Variants in NRXN3 observed in about 807,000 individuals in gnomAD.
NRXN3 encodes neurexin 3, also known as neurexin III.
Under a neutral mutation model 137.6 loss-of-function variants are expected in NRXN3, and 32 were observed. That is an observed-to-expected ratio of 0.23 (90% CI 0.18 to 0.31). The LOEUF (loss-of-function observed/expected upper bound fraction) is 0.31. Ranked by LOEUF, NRXN3 falls within the 10% of genes least tolerant of loss-of-function variation. The probability of loss-of-function intolerance (pLI) is 1.00; values close to 1 mark genes in which losing one functional copy is unlikely to be tolerated. For missense variants in NRXN3, 1,574 were observed against 2,062.5 expected (o/e 0.76, Z 4.59); for synonymous variants, 798 against 784.5 (o/e 1.02, Z -0.29).
chr14:79,674,539 C>T (rs2098630361), intron 17 of NRXN3, among the ~76,000 whole-genome samples: 1 of 151,998 alleles, frequency 6.6e-6, no homozygotes, highest in Non-Finnish European at 1.5e-5. Context: ...AGATTCCACA[C>T]AGATATGTTT....
At chr14:78,899,714 G>A (rs1024508322) in intron 10 of NRXN3, among the ~76,000 whole-genome samples, 9 of 151,822 alleles carry the variant, frequency 5.9e-5, no homozygotes, top group East Asian at 1.9e-4. Context: ...TTATATAAAT[G>A]TATTCTGCTC....
intron 16 of NRXN3, among the ~76,000 whole-genome samples, chr14:79,561,236 C>A (rs768112499): frequency 6.6e-6 from 1 of 151,836 alleles, no homozygotes; most frequent in Non-Finnish European, 1.5e-5. Context: ...TAATGCTATT[C>A]AATAAAACCA....
intron 15 of NRXN3, among the ~76,000 whole-genome samples, chr14:79,018,891 A>G (rs967510506): frequency 2.0e-5 from 3 of 152,212 alleles, no homozygotes; most frequent in East Asian, 3.9e-4. Flanking sequence ...GCTTTCAGGA[A>G]TTACAGCTGC....
chr14:78,250,899 A>G (rs1053497978), intron 2 of NRXN3, among the ~76,000 whole-genome samples: 8 of 152,144 alleles, frequency 5.3e-5, no homozygotes, highest in African/African-American at 1.9e-4. Flanking sequence ...TTCCTGGTGC[A>G]GGAGGTTATC....
chr14:78,211,730 G>T (rs961752978), intron 1 of NRXN3, among the ~76,000 whole-genome samples: 2 of 152,218 alleles, frequency 1.3e-5, no homozygotes, highest in African/African-American at 4.8e-5. Context: ...CCTGACATTT[G>T]TTTATTTTAA....
chr14:78,238,414 G>A (rs576487865), intron 1 of NRXN3, among the ~76,000 whole-genome samples: 1 of 152,274 alleles, frequency 6.6e-6, no homozygotes, highest in South Asian at 2.1e-4. Context: ...GTAGAGGGTG[G>A]CAGTTGTCTG....
chr14:79,280,343 A>G, intron 15 of NRXN3: 1 of 1,613,872 alleles, frequency 6.2e-7, no homozygotes, highest in Non-Finnish European at 8.5e-7. Flanking sequence ...GCCGGCCTGG[A>G]CGCTTGGGAT....
At chr14:78,867,423 T>G (rs2099089838) in intron 10 of NRXN3, among the ~76,000 whole-genome samples, 2 of 152,318 alleles carry the variant, frequency 1.3e-5, no homozygotes, top group East Asian at 3.9e-4. Flanking sequence ...TAGAGATTCT[T>G]ACTGATCAAA....
chr14:79,118,869 A>C (rs960876453), intron 15 of NRXN3, among the ~76,000 whole-genome samples: 12 of 152,330 alleles, frequency 7.9e-5, no homozygotes, highest in African/African-American at 2.9e-4. Flanking sequence ...TGTAAGAATT[A>C]AAGTCAACTT....
chr14:78,634,404 A>C (rs2097549233), intron 4 of NRXN3, among the ~76,000 whole-genome samples: 1 of 152,226 alleles, frequency 6.6e-6, no homozygotes, highest in Admixed American at 6.5e-5. Context: ...GATTTTGAAA[A>C]GGCAAGAAAA....
rs549232406 is a variant in NRXN3 at position 78,891,783 on chromosome 14, A to G, written c.2276-65459A>G. On this transcript the variant is annotated intron_variant, in intron 10 of 20. Transcript: ENST00000335750. ...AACTTTAAATATTCTTACCATACAC[A>G]TGCATTTTTCAAATGTATGCGTCTG... Among the ~76,000 whole-genome samples, 62 of 152,158 alleles carry G rather than the reference A, an allele frequency of 4.1e-4. 1 individual carries two copies. Among genetic ancestry groups the G allele is most frequent in the African/African-American group, 1.4e-3 (60 of 41,560 alleles).
At chr14:78,227,163 GCCAC>G (rs1199016069) in intron 1 of NRXN3, among the ~76,000 whole-genome samples, 1 of 151,792 alleles carries the variant, frequency 6.6e-6, no homozygotes, top group African/African-American at 2.4e-5. Context: ...CATGTATTTT[GCCAC>G]CTTATCTAAC....
At chr14:79,566,259 C>T (rs1247840345) in intron 16 of NRXN3, among the ~76,000 whole-genome samples, 1 of 152,058 alleles carries the variant, frequency 6.6e-6, no homozygotes, top group Non-Finnish European at 1.5e-5. Context: ...CCAAAACTCT[C>T]CTTGCTGCAC....
chr14:78,638,164 C>T (rs2097582714), intron 4 of NRXN3, among the ~76,000 whole-genome samples: 2 of 152,104 alleles, frequency 1.3e-5, no homozygotes, highest in South Asian at 2.1e-4. Context: ...AGTGAGTGAC[C>T]CAGGCAGTGT....
At chr14:79,103,870 T>C (rs1830585860) in intron 15 of NRXN3, among the ~76,000 whole-genome samples, 1 of 152,176 alleles carries the variant, frequency 6.6e-6, no homozygotes, top group Non-Finnish European at 1.5e-5. Flanking sequence ...TACACATCTG[T>C]ACACAAATGC....
chr14:78,307,473 A>T (rs2077487472), intron 4 of NRXN3, among the ~76,000 whole-genome samples: 1 of 152,152 alleles, frequency 6.6e-6, no homozygotes, highest in African/African-American at 2.4e-5. Context: ...CTTGTGAGAC[A>T]CCCAGGCAGT....
intron 4 of NRXN3, among the ~76,000 whole-genome samples, chr14:78,483,075 T>C (rs2095500540): frequency 6.6e-6 from 1 of 152,196 alleles, no homozygotes; most frequent in Non-Finnish European, 1.5e-5. Context: ...TTTCTGATTA[T>C]GAAGGGCATT....
intron 13 of NRXN3, 66 bp from the exon 14 acceptor site, chr14:78,968,107 C>T: frequency 3.2e-6 from 2 of 627,450 alleles, no homozygotes; most frequent in Non-Finnish European, 4.5e-6. Flanking sequence ...TCAAGTGTAT[C>T]AAACTAGTTG....
chr14:79,506,325 C>A (rs2096878164), intron 16 of NRXN3, among the ~76,000 whole-genome samples: 1 of 152,146 alleles, frequency 6.6e-6, no homozygotes, highest in Admixed American at 6.5e-5. Context: ...GAACATAGCT[C>A]TTTACACAAA....
Sources: allele counts gnomAD v4.1 joint callset (sites outside exome capture counted in the v4.1 genomes callset), GRCh38; gene constraint gnomAD v4.1.1; transcripts MANE v1.5; gene names NCBI Gene and HGNC (gene_info 2026-07-23, HGNC 2026-07-21).